SINHCAF: variants seen among roughly 807,000 people sequenced by gnomAD.
SINHCAF encodes the protein SIN3-HDAC complex-associated factor.
SINHCAF carries 3 observed loss-of-function variants against 25.8 expected under a neutral mutation model. The observed-to-expected ratio is 0.12, with a 90% CI of 0.05 to 0.30. The LOEUF is 0.30. SINHCAF is among the 10% of genes least tolerant of loss of function. The pLI is 1.00. For synonymous variants in SINHCAF, 70 were observed against 85.5 expected, an observed-to-expected ratio of 0.82 and a Z score of 1.00; for missense variants, 121 against 262.3, an observed-to-expected ratio of 0.46 and a Z score of 3.72.
At chr12:31,299,395 C>A (rs902963257) in intron 1 of SINHCAF, among the ~76,000 whole-genome samples, 4 of 152,014 alleles carry the variant, frequency 2.6e-5, no homozygotes, top group Non-Finnish European at 5.9e-5. Flanking sequence ...AGGCTCACTG[C>A]AAGCTCTGCC....
At position 31,312,163 on chromosome 12, in the gene SINHCAF, G is replaced by T. The variant is rs140400756; in HGVS notation, c.-21+13861C>A. On this transcript the variant is annotated intron_variant, in intron 1 of 5. Coordinates refer to ENST00000337682, the MANE Select transcript of SINHCAF (RefSeq NM_001135812.2). Reference sequence around the variant, plus strand: ...TTTTAAACTTAATTGGAACTATACAGAATGTACTCTTTCAGTCTGGCTTCT... The same window carrying T: ...TTTTAAACTTAATTGGAACTATACATAATGTACTCTTTCAGTCTGGCTTCT... 81 of 348,918 alleles carry T rather than the reference G, an allele frequency of 2.3e-4. No homozygotes were observed. In the East Asian group the frequency reaches 5.7e-3, roughly 24 times the overall value. 21.6% of individuals were successfully genotyped at this position (348,918 alleles called of 1,614,324 possible). A position where few individuals can be genotyped will look rare whatever the true frequency, so the allele number is the denominator to read the frequency against.
At chr12:31,318,651 G>GAA (rs34544624) in intron 1 of SINHCAF, among the ~76,000 whole-genome samples, 2 of 138,146 alleles carry the variant, frequency 1.4e-5, no homozygotes, top group Non-Finnish European at 1.6e-5. Context: ...TTGGTAGAGC[G>GAA]AAAAAAAAAA....
chr12:31,323,436 CT>C (rs1939786835), intron 1 of SINHCAF, among the ~76,000 whole-genome samples: 1 of 152,080 alleles, frequency 6.6e-6, no homozygotes, highest in Admixed American at 6.5e-5. Flanking sequence ...AAAAGAAAAG[CT>C]TTTCTTAACC....
At chr12:31,290,447 A>C (rs1006834228) in intron 4 of SINHCAF, among the ~76,000 whole-genome samples, 2 of 152,124 alleles carry the variant, frequency 1.3e-5, no homozygotes, top group Admixed American at 6.5e-5. Context: ...AGAGCTCACA[A>C]ATATTTTATA....
chr12:31,319,482 G>A (rs1326571791), intron 1 of SINHCAF, among the ~76,000 whole-genome samples: 2 of 152,166 alleles, frequency 1.3e-5, no homozygotes, highest in East Asian at 3.8e-4. Context: ...AGCCAAGATC[G>A]CACCACTGAA....
Position 31,324,032 on chromosome 12 carries a change from T to C in SINHCAF, c.-21+1992A>G, listed in dbSNP as rs1275048898. On this transcript the variant is annotated intron_variant, in intron 1 of 5. Transcript: ENST00000337682. This position sits in a 1 kb window ranked among gnomAD's most constrained non-coding sequence, Gnocchi z 5.5. ...CAAGTAAGAATGCTCCCTGGTGGAT[T>C]TGTTGGTAAATAAGACATCTCGCGT... is the stretch of plus-strand genomic sequence containing the variant. The C allele has an allele frequency of 6.6e-6, 3 of 455,276 alleles. No homozygotes were observed. Among genetic ancestry groups the C allele is most frequent in the South Asian group, 3.1e-5 (2 of 64,524 alleles). The allele number at this position is 455,276 out of a possible 1,614,324, so 28.2% of individuals were successfully genotyped here. A position where few individuals can be genotyped will look rare whatever the true frequency, so the allele number is the denominator to read the frequency against.
Position 31,281,888 on chromosome 12 carries a change from T to C in SINHCAF, c.*824A>G, listed in dbSNP as rs960017485. On this transcript the variant is annotated 3_prime_UTR_variant, in exon 6 of 6. Transcript: ENST00000337682. ...CTCTGTATATTTAGAAATTACTTTC[T>C]CCTCCAAGGTATTTGCAACAGAAAG... 6.6e-6 allele frequency: 1 copy of C among 152,278 alleles called. No homozygotes were observed. Among genetic ancestry groups the C allele is most frequent in the Admixed American group, 6.5e-5 (1 of 15,284 alleles). 9.4% of individuals were successfully genotyped at this position (152,278 alleles called of 1,614,324 possible). A position where few individuals can be genotyped will look rare whatever the true frequency, so the allele number is the denominator to read the frequency against.
intron 1 of SINHCAF, among the ~76,000 whole-genome samples, chr12:31,302,131 C>T (rs561928667): frequency 1.6e-4 from 25 of 152,176 alleles, no homozygotes; most frequent in African/African-American, 6.0e-4. Flanking sequence ...TGAGAACAGA[C>T]CCCATACAAT....
intron 1 of SINHCAF, chr12:31,303,073 A>T: frequency 1.0e-6 from 1 of 985,366 alleles, no homozygotes; most frequent in Non-Finnish European, 1.2e-6. Flanking sequence ...TCATTTCAAG[A>T]TGTTTTTCAA....
At chr12:31,283,545 G>A (rs913024969) in intron 5 of SINHCAF, among the ~76,000 whole-genome samples, 18 of 152,026 alleles carry the variant, frequency 1.2e-4, no homozygotes, top group African/African-American at 3.6e-4. Flanking sequence ...GGAGGTTGCA[G>A]TGAGCCGAAA....
intron 1 of SINHCAF, among the ~76,000 whole-genome samples, chr12:31,316,356 C>G (rs1429636660): frequency 6.6e-6 from 1 of 152,082 alleles, no homozygotes; most frequent in African/African-American, 2.4e-5. Context: ...ACAATCAATT[C>G]TAAACATCTG....
chr12:31,285,418 T>TAAAC, intron 5 of SINHCAF, among the ~76,000 whole-genome samples: 1 of 141,444 alleles, frequency 7.1e-6, no homozygotes, highest in East Asian at 2.1e-4. Flanking sequence ...TATATATACA[T>TAAAC]ACACACACAC....
Position 31,281,934 on chromosome 12 carries a change from A to C in SINHCAF, c.*778T>G, listed in dbSNP as rs1937818077. ...GAAAGCTCAGTCTGTCCTGCTTAAT[A>C]ATCAGTAGTACAGGTGTGAATCATC... On this transcript the variant is annotated 3_prime_UTR_variant, in exon 6 of 6. Transcript: ENST00000337682. 1 of 152,440 alleles carries C rather than the reference A, an allele frequency of 6.6e-6. No individual in the cohort carries two copies. The highest frequency in any genetic ancestry group is 1.5e-5 in the Non-Finnish European group (1 of 68,042). The allele number at this position is 152,440 out of a possible 1,614,324, so 9.4% of individuals were successfully genotyped here.
intron 4 of SINHCAF, among the ~76,000 whole-genome samples, chr12:31,293,574 G>C (rs1426756622): frequency 1.3e-5 from 2 of 152,162 alleles, no homozygotes; most frequent in African/African-American, 4.8e-5. Context: ...GGTGGTCTCA[G>C]TACAATCTGA....
At chr12:31,300,997 C>T (rs1199320549) in intron 1 of SINHCAF, among the ~76,000 whole-genome samples, 1 of 152,140 alleles carries the variant, frequency 6.6e-6, no homozygotes, top group Non-Finnish European at 1.5e-5. Context: ...CTACCCTCAC[C>T]ATCTCTTTCC....
chr12:31,316,762 A>G (rs1939510434), intron 1 of SINHCAF, among the ~76,000 whole-genome samples: 1 of 152,228 alleles, frequency 6.6e-6, no homozygotes, highest in Non-Finnish European at 1.5e-5. Flanking sequence ...TTAAGCTCCA[A>G]CCAGGAAACA....
In SINHCAF at chr12:31,298,079, A is replaced by G. The variant is rs1482620714; in HGVS notation, c.126T>C (p.Phe42=). The G allele has an allele frequency of 3.1e-6, 5 of 1,613,776 alleles. No individual in the cohort carries two copies. The highest frequency in any genetic ancestry group is 4.2e-6 in the Non-Finnish European group (5 of 1,179,864). The change falls in exon 2 of 6, where the codon TTT becomes TTC. Residue 42 remains phenylalanine, a splice_region_variant and synonymous_variant. Coordinates refer to ENST00000337682, the MANE Select transcript of SINHCAF (RefSeq NM_001135812.2). ...GTACAAACATCAGGTGATCTTACCC[A>G]AAACAGCTCTGGAAGTCCTTTTCAT... ...KRYEKDFQSC[F]GLHETRSGDI...
chr12:31,318,972 A>G (rs1473926051), intron 1 of SINHCAF, among the ~76,000 whole-genome samples: 1 of 152,202 alleles, frequency 6.6e-6, no homozygotes, highest in Non-Finnish European at 1.5e-5. Context: ...CCCAAGATAT[A>G]TACAACAAAT....
chr12:31,321,199 T>G (rs977797190), intron 1 of SINHCAF, among the ~76,000 whole-genome samples: 1 of 152,150 alleles, frequency 6.6e-6, no homozygotes, highest in African/African-American at 2.4e-5. Context: ...AAGTCTCAAT[T>G]TATAACACCC....
Sources: gnomAD v4.1 joint callset for allele counts (sites outside exome capture counted in the v4.1 genomes callset) on GRCh38, gnomAD v4.1.1 for gene constraint, Gnocchi (gnomAD v3.1) non-coding constraint, MANE v1.5 for transcripts, NCBI Gene and HGNC (gene_info 2026-07-23, HGNC 2026-07-21) for gene names.